FAM13C: variants seen among roughly 807,000 people sequenced by gnomAD.
FAM13C encodes the protein protein FAM13C.
A neutral mutation model predicts 73.2 loss-of-function variants in FAM13C; 37 were observed. The observed-to-expected ratio is 0.51, with a 90% confidence interval of 0.39 to 0.67. The LOEUF is 0.67. FAM13C is among the 30% of genes least tolerant of loss of function. The pLI is 0.00. For missense variants in FAM13C, 589 were observed against 715.6 expected (o/e 0.82, Z 2.02); for synonymous variants, 246 against 260.9 (o/e 0.94, Z 0.55).
At chr10:59,287,336 C>CAAAAAA (rs58759332) in intron 5 of FAM13C, among the ~76,000 whole-genome samples, 3 of 73,808 alleles carry the variant, frequency 4.1e-5, no homozygotes, top group Non-Finnish European at 6.9e-5. Context: ...GACTCTGTCT[C>CAAAAAA]AAAAAAAAAA....
In FAM13C at chr10:59,247,353, GT is replaced by G; in HGVS notation, c.*260del. On this transcript the variant is annotated 3_prime_UTR_variant, in exon 14 of 14. Coordinates refer to ENST00000618804, the MANE Select transcript of FAM13C (RefSeq NM_198215.4). ...ATATTAGACATTTTTAAAAATACTT[GT>G]ATTGACTATGAGTTTTCTGCTTGGC... is the stretch of plus-strand genomic sequence containing the variant. The G allele has an allele frequency of 2.4e-6, 1 of 420,894 alleles. No homozygotes were observed. Among genetic ancestry groups the G allele is most frequent in the South Asian group, 3.0e-5 (1 of 33,218 alleles). The allele number at this position is 420,894 out of a possible 1,614,324, so 26.1% of individuals were successfully genotyped here.
intron 8 of FAM13C, among the ~76,000 whole-genome samples, chr10:59,266,433 T>G (rs1410791652): frequency 3.9e-5 from 6 of 152,118 alleles, no homozygotes; most frequent in Admixed American, 3.9e-4. Context: ...TGGTATGAAT[T>G]CCACAGTCAG....
At chr10:59,279,510 A>C (rs1192026299) in intron 6 of FAM13C, among the ~76,000 whole-genome samples, 1 of 152,346 alleles carries the variant, frequency 6.6e-6, no homozygotes, top group East Asian at 1.9e-4. Context: ...TATTATTTTT[A>C]GTAATAGGTG....
intron 9 of FAM13C, 120 bp from the exon 10 acceptor site, chr10:59,262,765 C>A: frequency 1.2e-6 from 1 of 821,630 alleles, no homozygotes. Flanking sequence ...CTAATGATGG[C>A]TTTCCACAGG....
intron 3 of FAM13C, among the ~76,000 whole-genome samples, chr10:59,326,280 A>G (rs2134052569): frequency 6.6e-6 from 1 of 152,294 alleles, no homozygotes; most frequent in Admixed American, 6.5e-5. Flanking sequence ...ACAGCTGACT[A>G]TCAAGTCCCT....
chr10:59,350,914 G>A (rs1474487170), intron 3 of FAM13C, among the ~76,000 whole-genome samples: 2 of 152,156 alleles, frequency 1.3e-5, no homozygotes, highest in Non-Finnish European at 2.9e-5. Context: ...TAACAAAAAA[G>A]CAAAGTTAAC....
At position 59,283,362 on chromosome 10, in the gene FAM13C, C is replaced by T. The variant is rs1845152580; in HGVS notation, c.592+1G>A. The stretch of plus-strand genomic sequence containing the variant: ...GGACAACCCCCAGCCCTGTATCTTA[C>T]CTGCAGAATCTGTCCCATCGGCAAG... On this transcript the variant is annotated splice_donor_variant, in intron 6 of 13. Transcript: ENST00000618804. LOFTEE classifies it high-confidence loss of function. The T allele has an allele frequency of 6.2e-7, 1 of 1,613,970 alleles. No individual in the cohort carries two copies. The highest frequency in any genetic ancestry group is 1.3e-5 in the African/African-American group (1 of 74,916).
At chr10:59,306,469 C>T (rs1848265665) in intron 4 of FAM13C, among the ~76,000 whole-genome samples, 2 of 152,112 alleles carry the variant, frequency 1.3e-5, no homozygotes, top group Admixed American at 1.3e-4. Flanking sequence ...AGAGGCAGTG[C>T]CTTAAGGAGA....
At chr10:59,273,275 A>G (rs1202169876) in intron 6 of FAM13C, among the ~76,000 whole-genome samples, 1 of 152,192 alleles carries the variant, frequency 6.6e-6, no homozygotes, top group African/African-American at 2.4e-5. Flanking sequence ...ATTTGGTGAA[A>G]TCTTAAGATA....
At chr10:59,318,840 T>C (rs1446548628) in intron 4 of FAM13C, among the ~76,000 whole-genome samples, 1 of 151,802 alleles carries the variant, frequency 6.6e-6, no homozygotes, top group Non-Finnish European at 1.5e-5. Flanking sequence ...GCTCCCCTTT[T>C]AAAAGAAACA....
intron 5 of FAM13C, among the ~76,000 whole-genome samples, chr10:59,294,535 A>G (rs966496968): frequency 6.6e-6 from 1 of 152,272 alleles, no homozygotes; most frequent in African/African-American, 2.4e-5. Flanking sequence ...TTTTCTGCCA[A>G]CACCACACTA....
intron 10 of FAM13C, among the ~76,000 whole-genome samples, chr10:59,260,120 T>C (rs1359552315): frequency 6.6e-6 from 1 of 152,120 alleles, no homozygotes; most frequent in Non-Finnish European, 1.5e-5. Context: ...ACATGTCCTT[T>C]TGATTCTACC....
chr10:59,330,776 A>C (rs1451184902), intron 3 of FAM13C, among the ~76,000 whole-genome samples: 1 of 152,208 alleles, frequency 6.6e-6, no homozygotes, highest in Non-Finnish European at 1.5e-5. Flanking sequence ...AAGACTACAG[A>C]AGGCTCCAAA....
intron 4 of FAM13C, 93 bp downstream of exon 4, chr10:59,323,895 A>G: frequency 9.1e-7 from 1 of 1,103,146 alleles, no homozygotes; most frequent in East Asian, 2.4e-5. Flanking sequence ...AAAAGTCAGA[A>G]AGCCTTGCCT....
intron 1 of FAM13C, among the ~76,000 whole-genome samples, chr10:59,356,681 G>A (rs970531618): frequency 2.0e-5 from 3 of 152,150 alleles, no homozygotes; most frequent in Non-Finnish European, 2.9e-5. Flanking sequence ...TCGCCCATGT[G>A]CCATGTTCTC....
chr10:59,305,856 A>G (rs1316211674), intron 4 of FAM13C, among the ~76,000 whole-genome samples: 1 of 152,258 alleles, frequency 6.6e-6, no homozygotes, highest in Non-Finnish European at 1.5e-5. Flanking sequence ...CTGCTGGCTC[A>G]CACATCTAAT....
At chr10:59,284,977 A>G (rs1845388125) in intron 5 of FAM13C, among the ~76,000 whole-genome samples, 1 of 152,038 alleles carries the variant, frequency 6.6e-6, no homozygotes, top group Admixed American at 6.5e-5. Flanking sequence ...CCTTCCATGC[A>G]AGATCGAGTC....
At chr10:59,274,040 A>G (rs757570293) in intron 6 of FAM13C, among the ~76,000 whole-genome samples, 3 of 152,144 alleles carry the variant, frequency 2.0e-5, no homozygotes, top group South Asian at 4.1e-4. Flanking sequence ...CAAAATGCCA[A>G]ACTTCAGCCT....
chr10:59,254,573 A>T, intron 10 of FAM13C, 130 bp from the exon 11 acceptor site: 1 of 378,744 alleles, frequency 2.6e-6, no homozygotes, highest in Non-Finnish European at 4.6e-6. Context: ...TGAAAAGGAA[A>T]GTCATTTATT....
Sources: allele counts gnomAD v4.1 joint callset (sites outside exome capture counted in the v4.1 genomes callset), GRCh38; gene constraint gnomAD v4.1.1; transcripts MANE v1.5; gene names NCBI Gene and HGNC (gene_info 2026-07-23, HGNC 2026-07-21).